SCML4: variants seen among roughly 807,000 people sequenced by gnomAD.
SCML4 encodes the protein sex comb on midleg-like protein 4.
SCML4 carries 34 observed loss-of-function variants against 41.1 expected under a neutral mutation model. The ratio of observed to expected loss-of-function variants is 0.83; its 90% CI spans 0.63 to 1.10. The LOEUF is 1.10. SCML4 is among the 50% of genes least tolerant of loss of function. The probability of loss-of-function intolerance (pLI) is 0.00; values close to 1 mark genes in which losing one functional copy is unlikely to be tolerated. For missense variants in SCML4, 522 were observed against 534.1 expected (o/e 0.98, Z 0.22); for synonymous variants, 214 against 220.9 (o/e 0.97, Z 0.28).
chr6:107,810,051 A>C (rs1413795283), intron 1 of SCML4, among the ~76,000 whole-genome samples: 1 of 152,134 alleles, frequency 6.6e-6, no homozygotes, highest in Non-Finnish European at 1.5e-5. Context: ...AAACAGAGAG[A>C]GGCTGGCTGC....
Position 107,720,731 on chromosome 6 carries a change from G to A in SCML4, c.945C>T (p.Asn315=), listed in dbSNP as rs1393361723. Residue 315 remains asparagine (N), a synonymous_variant, in exon 6 of 8, where the codon AAC becomes AAT. Transcript: ENST00000369020. ...ATCTGTTTCCTTCAAGAGAGGTCGT[G>A]TTTCTCTTGGGGCTGGAGGCTGGAG... is the stretch of plus-strand genomic sequence containing the variant. ...LRPPASSPKR[N]TTSLEGNRCA... 1 of 1,578,942 alleles carries A rather than the reference G, an allele frequency of 6.3e-7. No individual in the cohort carries two copies. The highest frequency in any genetic ancestry group is 1.4e-5 in the African/African-American group (1 of 73,176).
chr6:107,808,838 TA>T (rs1305178904), intron 1 of SCML4, among the ~76,000 whole-genome samples: 6 of 152,198 alleles, frequency 3.9e-5, no homozygotes, highest in African/African-American at 1.4e-4. Flanking sequence ...ATTAAGTAAT[TA>T]TAAATAACAT....
intron 1 of SCML4, among the ~76,000 whole-genome samples, chr6:107,788,125 A>T (rs17068789): frequency 0.021 from 3,129 of 152,346 alleles, 113 homozygotes; most frequent in African/African-American, 0.069. Flanking sequence ...GTGCACAGTT[A>T]TCGTGAAATT....
chr6:107,740,993 C>T (rs1777553675), intron 5 of SCML4, among the ~76,000 whole-genome samples: 1 of 152,120 alleles, frequency 6.6e-6, no homozygotes, highest in Non-Finnish European at 1.5e-5. Context: ...GAGAAGCCAA[C>T]CATGCCCTTC....
intron 1 of SCML4, among the ~76,000 whole-genome samples, chr6:107,806,671 T>G (rs938976): frequency 0.99 from 150,704 of 152,304 alleles, 74,581 homozygotes; most frequent in Middle Eastern, 1. Context: ...AACCCAACCT[T>G]GCATTGGGCC....
intron 5 of SCML4, among the ~76,000 whole-genome samples, chr6:107,738,201 T>G (rs1432302445): frequency 6.6e-6 from 1 of 152,160 alleles, no homozygotes; most frequent in African/African-American, 2.4e-5. Flanking sequence ...CTGTGTTACT[T>G]CCCCAAACAC....
At chr6:107,806,193 C>T (rs1489986068) in intron 1 of SCML4, among the ~76,000 whole-genome samples, 2 of 64,128 alleles carry the variant, frequency 3.1e-5, no homozygotes, top group African/African-American at 6.6e-5. Flanking sequence ...ATTTCCCCCC[C>T]CCCAATAAAC....
chr6:107,783,852 G>A (rs548150812), intron 1 of SCML4, among the ~76,000 whole-genome samples: 7 of 152,262 alleles, frequency 4.6e-5, no homozygotes, highest in African/African-American at 1.7e-4. Flanking sequence ...TCTTTGCTTG[G>A]CTAGGTCCCT....
intron 1 of SCML4, among the ~76,000 whole-genome samples, chr6:107,816,867 G>A (rs1268521670): frequency 6.6e-6 from 1 of 152,196 alleles, no homozygotes; most frequent in Non-Finnish European, 1.5e-5. Flanking sequence ...TGGGACTTCA[G>A]TGGCACCATG....
the SCML4 span, among the ~76,000 whole-genome samples, chr6:107,831,854 C>G: frequency 1.1e-4 from 16 of 152,102 alleles, no homozygotes; most frequent in African/African-American, 3.6e-4. Flanking sequence ...GAGATCGAGA[C>G]CATCCTGGCT....
chr6:107,793,336 C>A (rs754060397), intron 1 of SCML4, among the ~76,000 whole-genome samples: 3 of 152,192 alleles, frequency 2.0e-5, no homozygotes, highest in African/African-American at 7.2e-5. Context: ...AAATGAGATA[C>A]CAGGTATCAC....
At chr6:107,796,212 G>A (rs962946814) in intron 1 of SCML4, among the ~76,000 whole-genome samples, 29 of 152,182 alleles carry the variant, frequency 1.9e-4, no homozygotes, top group African/African-American at 4.6e-4. Context: ...TTGTTGGTTC[G>A]TAGGGTAGGT....
intron 5 of SCML4, among the ~76,000 whole-genome samples, chr6:107,734,679 C>T (rs1164515059): frequency 6.6e-6 from 1 of 152,110 alleles, no homozygotes; most frequent in Non-Finnish European, 1.5e-5. Flanking sequence ...AAATATAAAG[C>T]TTTTCCTAAA....
intron 5 of SCML4, among the ~76,000 whole-genome samples, chr6:107,727,126 T>C (rs1322052171): frequency 6.6e-6 from 1 of 152,210 alleles, no homozygotes; most frequent in Non-Finnish European, 1.5e-5. Context: ...CCTTGAAACA[T>C]TATGCAAAGT....
At chr6:107,717,611 A>C (rs892991442) in intron 6 of SCML4, among the ~76,000 whole-genome samples, 8 of 152,258 alleles carry the variant, frequency 5.3e-5, no homozygotes, top group Admixed American at 4.6e-4. Context: ...GCAGTGGCGC[A>C]ATCTCTGCTC....
chr6:107,793,946 AAAACT>A (rs1198901614), intron 1 of SCML4, among the ~76,000 whole-genome samples: 1 of 152,234 alleles, frequency 6.6e-6, no homozygotes, highest in Non-Finnish European at 1.5e-5. Context: ...GTCTCAAAAC[AAAACT>A]AAACTAAACT....
the SCML4 span, among the ~76,000 whole-genome samples, chr6:107,834,980 GA>G: frequency 6.6e-6 from 1 of 150,612 alleles, no homozygotes; most frequent in African/African-American, 2.4e-5. Flanking sequence ...TTTCAGGGAG[GA>G]AAAAAATTAT....
Position 107,707,462 on chromosome 6 carries a change from G to A in SCML4, c.1119+404C>T, listed in dbSNP as rs193171068. 7.4e-4 allele frequency among the ~76,000 whole-genome samples: 112 copies of A among 152,254 alleles called. 1 individual carries two copies. The highest frequency in any genetic ancestry group is 2.6e-3 in the African/African-American group (109 of 41,548). On this transcript the variant is annotated intron_variant, in intron 7 of 7. Transcript: ENST00000369020. ...GTGAAGGCTATCCGAGTCAGGAACC[G>A]TGCTGAACACCTTTTGTGCATTTTC... is the stretch of plus-strand genomic sequence containing the variant.
chr6:107,726,076 C>CA (rs59523273), intron 5 of SCML4, among the ~76,000 whole-genome samples: 229 of 104,976 alleles, frequency 2.2e-3, no homozygotes, highest in African/African-American at 6.8e-3. Context: ...GACCCAGTCT[C>CA]AAAAAAAAAA....
Sources: allele counts gnomAD v4.1 joint callset (sites outside exome capture counted in the v4.1 genomes callset), GRCh38; gene constraint gnomAD v4.1.1; transcripts MANE v1.5; gene names NCBI Gene and HGNC (gene_info 2026-07-23, HGNC 2026-07-21).